Variants in PTPRD observed in about 807,000 individuals in gnomAD.
PTPRD encodes receptor-type tyrosine-protein phosphatase delta.
A neutral mutation model predicts 214.5 loss-of-function variants in PTPRD; 34 were observed. That is an observed-to-expected ratio of 0.16 (90% CI 0.12 to 0.21). The LOEUF (loss-of-function observed/expected upper bound fraction) is 0.21. PTPRD is among the 10% of genes least tolerant of loss of function. The probability of loss-of-function intolerance (pLI) is 1.00; values close to 1 mark genes in which losing one functional copy is unlikely to be tolerated. For missense variants in PTPRD, 2,545 were observed against 2,398.7 expected (o/e 1.06, Z -1.27); for synonymous variants, 1,128 against 845.7 (o/e 1.33, Z -5.79).
chr9:8,697,821 TTGG>T (rs2097958399), intron 12 of PTPRD, among the ~76,000 whole-genome samples: 1 of 152,058 alleles, frequency 6.6e-6, no homozygotes, highest in Non-Finnish European at 1.5e-5. Flanking sequence ...AATGACATTA[TTGG>T]TGGGAAGAAT....
At position 8,712,179 on chromosome 9, in the gene PTPRD, T is replaced by C. The variant is rs572489014; in HGVS notation, c.64+21601A>G. Among the ~76,000 whole-genome samples the C allele has an allele frequency of 3.3e-5, 5 of 152,246 alleles. No homozygotes were observed. The South Asian group carries it at 6.2e-4, about 19-fold the overall frequency. On this transcript the variant is annotated intron_variant, in intron 12 of 45. Coordinates refer to ENST00000381196, the MANE Select transcript of PTPRD (RefSeq NM_002839.4). The stretch of plus-strand genomic sequence containing the variant: ...ATGAAATAACTGTCTTACAAATGTA[T>C]CACATAACTATATTGAAGGAGACAG...
rs2135774057 is a variant in PTPRD at position 8,484,237 on chromosome 9, C to A, written c.3295G>T (p.Val1099Phe). Reference protein sequence around the residue: ...GNSAGGLQHRVTAKTAPDVLR... With the variant: ...GNSAGGLQHRFTAKTAPDVLR... ...ACATCTGGTGCAGTCTTTGCCGTGA[C>A]CCTGTGCTGCAGCCCACCAGCACTG... is the stretch of plus-strand genomic sequence containing the variant. The change falls in exon 30 of 46, where the codon GTC becomes TTC. Residue 1099 changes from valine to phenylalanine, a missense_variant. Physicochemically the swap from Val to Phe is conservative, Grantham distance 50 (BLOSUM62 -1). Coordinates refer to ENST00000381196, the MANE Select transcript of PTPRD (RefSeq NM_002839.4). The A allele has an allele frequency of 6.2e-7, 1 of 1,614,124 alleles. No individual in the cohort carries two copies. Among genetic ancestry groups the A allele is most frequent in the Non-Finnish European group, 8.5e-7 (1 of 1,180,010 alleles).
chr9:8,660,372 G>C (rs969104426), intron 12 of PTPRD, among the ~76,000 whole-genome samples: 16 of 152,214 alleles, frequency 1.1e-4, no homozygotes, highest in Non-Finnish European at 1.9e-4. Context: ...GGCTCCGTTC[G>C]TAACAGTGCT....
intron 5 of PTPRD, among the ~76,000 whole-genome samples, chr9:9,883,947 T>C (rs2069780763): frequency 6.6e-6 from 1 of 152,164 alleles, no homozygotes; most frequent in African/African-American, 2.4e-5. Context: ...ATGCTTTCAG[T>C]GAGTATTTGA....
At position 9,819,709 on chromosome 9, in the gene PTPRD, T is replaced by G. The variant is rs187963447; in HGVS notation, c.-367-52858A>C. ...TCCCCAGATTCTATTGTTGCCATTT[T>G]CATGTCCATGAGCATCCGACACTTA... On this transcript the variant is annotated intron_variant, in intron 5 of 45. Coordinates refer to ENST00000381196, the MANE Select transcript of PTPRD (RefSeq NM_002839.4). 1.3e-3 allele frequency among the ~76,000 whole-genome samples: 195 copies of G among 152,246 alleles called. 1 individual carries two copies. The highest frequency in any genetic ancestry group is 4.5e-3 in the African/African-American group (185 of 41,550).
chr9:9,974,913 T>A (rs963909018), intron 4 of PTPRD, among the ~76,000 whole-genome samples: 2 of 152,152 alleles, frequency 1.3e-5, no homozygotes, highest in Non-Finnish European at 2.9e-5. Flanking sequence ...GTCATAAGCC[T>A]TATTTCTGAG....
At chr9:10,378,402 G>A (rs979834459) in intron 2 of PTPRD, among the ~76,000 whole-genome samples, 2 of 151,964 alleles carry the variant, frequency 1.3e-5, no homozygotes, top group African/African-American at 4.8e-5. Context: ...CAATGTTCTG[G>A]AAGTTTTCCA....
At position 9,344,293 on chromosome 9, in the gene PTPRD, C is replaced by A. The variant is rs964321876; in HGVS notation, c.-203+53156G>T. On this transcript the variant is annotated intron_variant, in intron 9 of 45. Coordinates refer to ENST00000381196, the MANE Select transcript of PTPRD (RefSeq NM_002839.4). ...GTTGCACAGTGAGAACACATGGACA[C>A]AGGGAGGGGGCATCACACACTGAGG... Among the ~76,000 whole-genome samples the A allele has an allele frequency of 7.9e-5, 12 of 151,710 alleles. No homozygotes were observed. In the East Asian group the frequency reaches 2.1e-3, roughly 27 times the overall value.
chr9:10,241,071 T>C (rs2090946192), intron 3 of PTPRD, among the ~76,000 whole-genome samples: 1 of 151,116 alleles, frequency 6.6e-6, no homozygotes, highest in African/African-American at 2.4e-5. Flanking sequence ...AATATCTATA[T>C]GGATTACAAA....
At chr9:9,935,401 C>G (rs2088827210) in intron 5 of PTPRD, among the ~76,000 whole-genome samples, 1 of 152,178 alleles carries the variant, frequency 6.6e-6, no homozygotes. Context: ...AATCAATGTA[C>G]AAAAATCACA....
At chr9:9,813,595 A>T (rs970001759) in intron 5 of PTPRD, among the ~76,000 whole-genome samples, 3 of 152,090 alleles carry the variant, frequency 2.0e-5, no homozygotes, top group Non-Finnish European at 2.9e-5. Context: ...AAATAGACTA[A>T]TAATGATCAT....
At chr9:9,976,794 T>C (rs2095372092) in intron 4 of PTPRD, among the ~76,000 whole-genome samples, 1 of 151,388 alleles carries the variant, frequency 6.6e-6, no homozygotes, top group Admixed American at 6.6e-5. Context: ...TCTAGCTAGC[T>C]ATCTGTCTTC....
At position 9,195,536 on chromosome 9, in the gene PTPRD, T is replaced by C. The variant is rs113824994; in HGVS notation, c.-202-12173A>G. On this transcript the variant is annotated intron_variant, in intron 9 of 45. Coordinates refer to ENST00000381196, the MANE Select transcript of PTPRD (RefSeq NM_002839.4). ...AGTATGTTTTTCAGTGTGTTGATAT[T>C]AATACAAAGTTTTGAAATTTTGGTA... Among the ~76,000 whole-genome samples the C allele has an allele frequency of 7.5e-3, 1,138 of 152,228 alleles. 12 individuals are homozygous for C. Among genetic ancestry groups the C allele is most frequent in the African/African-American group, 0.026 (1,064 of 41,544 alleles).
intron 2 of PTPRD, among the ~76,000 whole-genome samples, chr9:10,564,792 G>C (rs1038366089): frequency 6.6e-5 from 10 of 152,086 alleles, no homozygotes; most frequent in South Asian, 4.1e-4. Context: ...ACCTAGAATA[G>C]TTTTCCTTTT....
chr9:10,340,202 T>A (rs2096913131), intron 3 of PTPRD, among the ~76,000 whole-genome samples: 1 of 151,926 alleles, frequency 6.6e-6, no homozygotes, highest in African/African-American at 2.4e-5. Context: ...GTGATACGGT[T>A]ATGTACATTT....
intron 9 of PTPRD, among the ~76,000 whole-genome samples, chr9:9,213,540 T>TTTC (rs1206507573): frequency 2.0e-4 from 29 of 142,022 alleles, no homozygotes; most frequent in Non-Finnish European, 2.9e-4. Flanking sequence ...TTGTTTGTTT[T>TTTC]GATAATAGGC....
chr9:10,546,402 A>T (rs1013204334), intron 2 of PTPRD, among the ~76,000 whole-genome samples: 2 of 152,094 alleles, frequency 1.3e-5, no homozygotes, highest in Non-Finnish European at 2.9e-5. Flanking sequence ...GAAGAAAGGT[A>T]ATTTTCTGAA....
At chr9:9,057,048 T>C (rs2099697615) in intron 10 of PTPRD, among the ~76,000 whole-genome samples, 1 of 152,158 alleles carries the variant, frequency 6.6e-6, no homozygotes, top group Non-Finnish European at 1.5e-5. Context: ...TATAGGGTGG[T>C]TGTGATGATT....
intron 3 of PTPRD, among the ~76,000 whole-genome samples, chr9:10,300,591 G>T (rs2095833079): frequency 6.6e-6 from 1 of 152,184 alleles, no homozygotes; most frequent in Admixed American, 6.5e-5. Context: ...AGGGGCGTCT[G>T]CCATTGCTGA....
Sources: allele counts gnomAD v4.1 joint callset (sites outside exome capture counted in the v4.1 genomes callset), GRCh38; gene constraint gnomAD v4.1.1; transcripts MANE v1.5; gene names NCBI Gene and HGNC (gene_info 2026-07-23, HGNC 2026-07-21).